The following SPAG16 variants were observed in gnomAD, a reference collection of about 807,000 sequenced individuals.
SPAG16 encodes sperm-associated antigen 16 protein.
In SPAG16, 86 loss-of-function variants were observed where a neutral mutation model predicts 80.4. The observed-to-expected ratio is 1.07, with a 90% CI of 0.90 to 1.28. The LOEUF is 1.28. SPAG16 is among the 50% of genes most tolerant of loss of function. The pLI is 0.00. For missense variants in SPAG16, 870 were observed against 765.3 expected, an observed-to-expected ratio of 1.14 and a Z score of -1.61; for synonymous variants, 294 against 265.9, an observed-to-expected ratio of 1.11 and a Z score of -1.03.
At chr2:213,714,060 C>G (rs1431980160) in intron 10 of SPAG16, among the ~76,000 whole-genome samples, 1 of 152,176 alleles carries the variant, frequency 6.6e-6, no homozygotes, top group African/African-American at 2.4e-5. Flanking sequence ...ACTCTCCTAG[C>G]AAATCTTCCA....
chr2:213,921,564 C>A (rs1474465619), intron 11 of SPAG16, among the ~76,000 whole-genome samples: 1 of 152,118 alleles, frequency 6.6e-6, no homozygotes, highest in Non-Finnish European at 1.5e-5. Flanking sequence ...CGAATTTGAT[C>A]CTGTCATCAT....
chr2:213,441,366 A>T (rs1423117088), intron 9 of SPAG16, among the ~76,000 whole-genome samples: 4 of 152,236 alleles, frequency 2.6e-5, no homozygotes, highest in African/African-American at 4.8e-5. Flanking sequence ...CTATACGCAT[A>T]GTATGGAATG....
chr2:214,027,827 G>A (rs1375062950), intron 13 of SPAG16, among the ~76,000 whole-genome samples: 3 of 151,810 alleles, frequency 2.0e-5, no homozygotes, highest in Admixed American at 6.6e-5. Context: ...TTTCAAATTA[G>A]TATGGTTATC....
At position 213,525,245 on chromosome 2, in the gene SPAG16, C is replaced by A. The variant is rs551898968; in HGVS notation, c.1070+35155C>A. Among the ~76,000 whole-genome samples, 8 of 151,598 alleles carry A rather than the reference C, an allele frequency of 5.3e-5. 1 individual carries two copies. The highest frequency in any genetic ancestry group is 1.9e-4 in the African/African-American group (8 of 41,320). On this transcript the variant is annotated intron_variant, in intron 10 of 15. Transcript: ENST00000331683. ...GTAAGTTTCCTGAGGCCTCCCCAGC[C>A]CTGTGGAACTGTAAATCAATTAAAC...
At chr2:213,668,886 G>C (rs888121245) in intron 10 of SPAG16, among the ~76,000 whole-genome samples, 1 of 152,100 alleles carries the variant, frequency 6.6e-6, no homozygotes, top group African/African-American at 2.4e-5. Context: ...CTGACCTCTT[G>C]ATCTGCCTGC....
At chr2:214,387,993 A>G (rs963423062) in intron 15 of SPAG16, among the ~76,000 whole-genome samples, 2 of 152,172 alleles carry the variant, frequency 1.3e-5, no homozygotes, top group East Asian at 3.8e-4. Context: ...TGATGAAAAA[A>G]ATACCTACTA....
chr2:214,194,046 A>G (rs976721291), intron 15 of SPAG16, among the ~76,000 whole-genome samples: 2 of 152,120 alleles, frequency 1.3e-5, no homozygotes, highest in African/African-American at 4.8e-5. Flanking sequence ...CTCAACTATT[A>G]TAGTCAGAAA....
intron 15 of SPAG16, among the ~76,000 whole-genome samples, chr2:214,324,734 TCTC>T (rs1294685515): frequency 6.6e-6 from 1 of 152,136 alleles, no homozygotes; most frequent in African/African-American, 2.4e-5. Context: ...CCCCCTCCTT[TCTC>T]CTCCTCTACT....
intron 12 of SPAG16, among the ~76,000 whole-genome samples, chr2:213,939,951 T>C (rs2079131311): frequency 6.6e-6 from 1 of 152,192 alleles, no homozygotes; most frequent in Admixed American, 6.5e-5. Flanking sequence ...TTTTCTTCTT[T>C]AATGTTGAAG....
intron 10 of SPAG16, among the ~76,000 whole-genome samples, chr2:213,643,361 T>C (rs2062685094): frequency 5.1e-4 from 5 of 9,750 alleles, no homozygotes; most frequent in African/African-American, 1.1e-3. Flanking sequence ...TATATATATA[T>C]ATATATATAT....
At chr2:213,481,290 G>A (rs1422933605) in intron 9 of SPAG16, among the ~76,000 whole-genome samples, 1 of 152,132 alleles carries the variant, frequency 6.6e-6, no homozygotes, top group Non-Finnish European at 1.5e-5. Flanking sequence ...AGTTTAGAAA[G>A]TCTTCATTCA....
intron 14 of SPAG16, among the ~76,000 whole-genome samples, chr2:214,126,175 T>C (rs2054488581): frequency 6.6e-6 from 1 of 150,460 alleles, no homozygotes; most frequent in African/African-American, 2.4e-5. Flanking sequence ...GTGAGCTTGC[T>C]AGGCTTTACG....
At chr2:214,258,469 G>GTATATA (rs1200065696) in intron 15 of SPAG16, among the ~76,000 whole-genome samples, 60 of 68,056 alleles carry the variant, frequency 8.8e-4, no homozygotes, top group Non-Finnish European at 1.9e-3. Context: ...GTATGTGTGT[G>GTATATA]TGTATATATA....
At chr2:213,967,131 A>G (rs1334254113) in intron 12 of SPAG16, among the ~76,000 whole-genome samples, 1 of 152,180 alleles carries the variant, frequency 6.6e-6, no homozygotes, top group Non-Finnish European at 1.5e-5. Context: ...TCCATGAGAA[A>G]CTGTTATATT....
chr2:214,155,634 G>T (rs1045857163), intron 15 of SPAG16, among the ~76,000 whole-genome samples: 6 of 152,142 alleles, frequency 3.9e-5, no homozygotes, highest in Non-Finnish European at 8.8e-5. Flanking sequence ...CACCATGCCT[G>T]AGGGTAGCCT....
At chr2:213,448,376 A>G (rs2071474130) in intron 9 of SPAG16, among the ~76,000 whole-genome samples, 1 of 152,356 alleles carries the variant, frequency 6.6e-6, no homozygotes, top group African/African-American at 2.4e-5. Flanking sequence ...TCATTTATCC[A>G]TTGTGCCTGG....
chr2:213,644,250 T>A (rs970321926), intron 10 of SPAG16, among the ~76,000 whole-genome samples: 1 of 152,152 alleles, frequency 6.6e-6, no homozygotes, highest in Non-Finnish European at 1.5e-5. Context: ...ATTCCTTCTC[T>A]GTGTTGTCTT....
At chr2:213,355,232 T>C (rs915651652) in intron 7 of SPAG16, among the ~76,000 whole-genome samples, 5 of 152,232 alleles carry the variant, frequency 3.3e-5, no homozygotes, top group African/African-American at 7.2e-5. Context: ...TATATCTGTT[T>C]TGGTACTGGT....
At chr2:213,526,746 CTT>C (rs2075900357) in intron 10 of SPAG16, among the ~76,000 whole-genome samples, 1 of 152,114 alleles carries the variant, frequency 6.6e-6, no homozygotes, top group East Asian at 1.9e-4. Context: ...CTGAAAATGT[CTT>C]TATTATTCTG....
Sources: gnomAD v4.1 joint callset for allele counts (sites outside exome capture counted in the v4.1 genomes callset) on GRCh38, gnomAD v4.1.1 for gene constraint, MANE v1.5 for transcripts, NCBI Gene and HGNC (gene_info 2026-07-23, HGNC 2026-07-21) for gene names.